NAT9: variants seen among roughly 807,000 people sequenced by gnomAD.
NAT9 encodes alpha/beta-tubulin-N-acetyltransferase 9.
A neutral mutation model predicts 24.0 loss-of-function variants in NAT9; 18 were observed. The ratio of observed to expected loss-of-function variants is 0.75; its 90% CI spans 0.52 to 1.11. The LOEUF (loss-of-function observed/expected upper bound fraction) is 1.11. Among genes scored for constraint, NAT9 ranks in the 50% most tolerant of loss-of-function variants. The pLI, the probability that NAT9 is intolerant of heterozygous loss-of-function variation, is 0.00. For missense variants in NAT9, 254 were observed against 258.6 expected (o/e 0.98, Z 0.12); for synonymous variants, 104 against 102.3 (o/e 1.02, Z -0.10).
At chr17:74,773,150 CAGG>C in intron 3 of NAT9, 111 bp from the exon 4 acceptor site, 3 of 1,334,502 alleles carry the variant, frequency 2.2e-6, no homozygotes, top group African/African-American at 1.5e-5. Context: ...CTGAGTCTGC[CAGG>C]AGAAGAGGGG....
Position 74,772,507 on chromosome 17 carries a change from A to G in NAT9, c.335-230T>C, listed in dbSNP as rs569083336. The G allele has an allele frequency of 1.3e-3, 1,876 of 1,422,122 alleles. 2 individuals are homozygous for G. Among genetic ancestry groups the G allele is most frequent in the Non-Finnish European group, 1.6e-3 (1,769 of 1,092,918 alleles). 88.1% of individuals were successfully genotyped at this position (1,422,122 alleles called of 1,614,324 possible). A position where few individuals can be genotyped will look rare whatever the true frequency, so the allele number is the denominator to read the frequency against. ...CCTCATGGAGTCAGTATGCTGCCTC[A>G]TGGGGATAGTCAGTAGCCACTTGGG... On this transcript the variant is annotated intron_variant, in intron 4 of 6. Transcript: ENST00000357814.
At chr17:74,772,558 GA>G (rs71361635) in intron 4 of NAT9, 1 of 1,405,924 alleles carries the variant, frequency 7.1e-7, no homozygotes, top group African/African-American at 1.4e-5. Context: ...TGAAGGAGCA[GA>G]AACAGGAGGG....
Position 74,772,958 on chromosome 17 carries a change from A to G in NAT9, c.272T>C (p.Val91Ala). 2.5e-6 allele frequency: 4 copies of G among 1,614,152 alleles called. No individual in the cohort carries two copies. The highest frequency in any genetic ancestry group is 3.4e-6 in the Non-Finnish European group (4 of 1,180,030). Residue 91 changes from valine to alanine, a missense_variant, in exon 4 of 7, where the codon GTG becomes GCG. By Grantham distance (64) the Val-to-Ala change is moderately conservative. Transcript: ENST00000357814. ...TTCTAGATCTGTGAGGAAGAGGTTC[A>G]CATCTCCCACCATGCAGCTCTCTTC... The part of the protein sequence containing the change: ...ATEESCMVGD[V>A]NLFLTDLEDL...
Position 74,773,048 on chromosome 17 carries a change from G to A in NAT9, c.191-9C>T, listed in dbSNP as rs992010770. On this transcript the variant is annotated splice_polypyrimidine_tract_variant and intron_variant, in intron 3 of 6. Transcript: ENST00000357814. ...CACAATGAAGGTACACTCTGAGGAG[G>A]AGGTGACAGGGCTATCACACACACT... 1 of 1,613,282 alleles carries A rather than the reference G, an allele frequency of 6.2e-7. No individual in the cohort carries two copies. Among genetic ancestry groups the A allele is most frequent in the Non-Finnish European group, 8.5e-7 (1 of 1,179,784 alleles).
rs750144270 is a variant in NAT9, at chr17:74,771,745, A to T, written c.603T>A (p.Asp201Glu). The change falls in exon 7 of 7, where the codon GAT becomes GAA. Residue 201 changes from aspartate to glutamate, a missense_variant. Coordinates refer to ENST00000357814, the MANE Select transcript of NAT9 (RefSeq NM_015654.5). ...GCCATCAGCAGGGCTCTGCCGACCC[A>T]TCTCTGTAAGGCTTCTCTTCCACGT... ...TSHVEEKPYR[D>E]GSAEPC 1 of 1,613,892 alleles carries T rather than the reference A, an allele frequency of 6.2e-7. No homozygotes were observed. Among genetic ancestry groups the T allele is most frequent in the Non-Finnish European group, 8.5e-7 (1 of 1,180,032 alleles).
chr17:74,773,108 C>G (rs2035469458), intron 3 of NAT9, 69 bp from the exon 4 acceptor site: 2 of 1,558,928 alleles, frequency 1.3e-6, no homozygotes, highest in African/African-American at 2.7e-5. Context: ...GTACTCCTAC[C>G]CAAGCCAGAG....
chr17:74,775,773 T>C, intron 1 of NAT9, 66 bp from the exon 2 acceptor site: 1 of 1,334,034 alleles, frequency 7.5e-7, no homozygotes. Context: ...GGGTAGGCGC[T>C]CCAGCTTTCC....
intron 3 of NAT9, 137 bp from the exon 4 acceptor site, chr17:74,773,176 C>T: frequency 9.0e-7 from 1 of 1,113,070 alleles, no homozygotes. Context: ...CCCAGAGCTT[C>T]CTTCAGCTCA....
intron 4 of NAT9, chr17:74,772,602 G>C: frequency 7.2e-7 from 1 of 1,395,550 alleles, no homozygotes; most frequent in South Asian, 1.6e-5. Flanking sequence ...ATGCTCCAGA[G>C]ACCTTTTTCT....
At position 74,771,987 on chromosome 17, in the gene NAT9, C is replaced by A. The variant is rs760662334; in HGVS notation, c.462G>T (p.Arg154=). Residue 154 remains arginine, a synonymous_variant, in exon 6 of 7, where the codon CGG becomes CGT. Transcript: ENST00000357814. ...GCTCAAAGTGAAGTTTCTGGAACAT[C>A]CGGATGCTTGGTTCATTTCCTTGCC... The part of the protein sequence containing the change: ...KIGQGNEPSI[R]MFQKLHFEQV... 1 of 1,614,246 alleles carries A rather than the reference C, an allele frequency of 6.2e-7. No individual in the cohort carries two copies. Among genetic ancestry groups the A allele is most frequent in the South Asian group, 1.1e-5 (1 of 91,090 alleles).
At position 74,771,346 on chromosome 17, in the gene NAT9, C is replaced by A; in HGVS notation, c.*378G>T. On this transcript the variant is annotated 3_prime_UTR_variant, in exon 7 of 7. Transcript: ENST00000357814. Reference sequence around the variant, plus strand: ...GCTGGTAGTGCCTGGAGCTTCACTCCCAGCCAGGGCAGCACCTCTGGCCTC... The same window carrying A: ...GCTGGTAGTGCCTGGAGCTTCACTCACAGCCAGGGCAGCACCTCTGGCCTC... 3.9e-6 allele frequency: 1 copy of A among 258,998 alleles called. No homozygotes were observed. The highest frequency in any genetic ancestry group is 7.6e-6 in the Non-Finnish European group (1 of 131,282). The allele number at this position is 258,998 out of a possible 1,614,324, so 16.0% of individuals were successfully genotyped here.
In NAT9 at chr17:74,772,060, A is replaced by G. The variant is rs894359948; in HGVS notation, c.395-6T>C. ...CAGACCTAGCGTGGTCACTCCTCGCAGAGGAGATGAGACAGGGGCAAGTAA... is the reference window on the plus strand; with the variant it reads ...CAGACCTAGCGTGGTCACTCCTCGCGGAGGAGATGAGACAGGGGCAAGTAA... On this transcript the variant is annotated splice_region_variant and splice_polypyrimidine_tract_variant and intron_variant, in intron 5 of 6. Transcript: ENST00000357814. The G allele has an allele frequency of 1.2e-6, 2 of 1,614,200 alleles. No homozygotes were observed. The highest frequency in any genetic ancestry group is 1.7e-6 in the Non-Finnish European group (2 of 1,180,040).
At position 74,775,538 on chromosome 17, in the gene NAT9, T is replaced by C. The variant is rs2035924977; in HGVS notation, c.77+84A>G. On this transcript the variant is annotated intron_variant, in intron 2 of 6. Coordinates refer to ENST00000357814, the MANE Select transcript of NAT9 (RefSeq NM_015654.5). Reference sequence around the variant, plus strand: ...ATTTCTCACAACCAATGTTTCTTCTTAGGGGAAATAGCCCTGAGACTGGGG... The same window carrying C: ...ATTTCTCACAACCAATGTTTCTTCTCAGGGGAAATAGCCCTGAGACTGGGG... The C allele has an allele frequency of 3.5e-6, 4 of 1,149,272 alleles. No individual in the cohort carries two copies. The Admixed American group carries it at 6.7e-5, about 19-fold the overall frequency. The allele number at this position is 1,149,272 out of a possible 1,614,324, so 71.2% of individuals were successfully genotyped here.
chr17:74,773,668 T>C lies in NAT9; in HGVS notation c.98A>G (p.Lys33Arg). Reference sequence around the variant, plus strand: ...TGTCAAACGCTGCAGCTCCTCTGATTTCATCCACTCGTGGTACCTGCTGGG... The same window carrying C: ...TGTCAAACGCTGCAGCTCCTCTGATCTCATCCACTCGTGGTACCTGCTGGG... ...HVPSRYHEWMKSEELQRLTAS... is the reference protein window; with the variant it reads ...HVPSRYHEWMRSEELQRLTAS... Residue 33 changes from lysine (K) to arginine (R), a missense_variant, in exon 3 of 7, where the codon AAA becomes AGA. Transcript: ENST00000357814. The C allele has an allele frequency of 6.2e-7, 1 of 1,614,062 alleles. No individual in the cohort carries two copies. The highest frequency in any genetic ancestry group is 8.5e-7 in the Non-Finnish European group (1 of 1,179,972).
chr17:74,775,357 T>G, intron 2 of NAT9: 1 of 331,100 alleles, frequency 3.0e-6, no homozygotes, highest in Non-Finnish European at 5.6e-6. Flanking sequence ...CTGGCTAATT[T>G]TTGTATTTTT....
rs754981576 is a variant in NAT9, at chr17:74,771,768, C to G, written c.580G>C (p.Val194Leu). ...CCATCTCTGTAAGGCTTCTCTTCCA[C>G]GTGGCTGGTCTGCTCCAGAAGCCAC... is the stretch of plus-strand genomic sequence containing the variant. ...HQWLLEQTSH[V>L]EEKPYRDGSA... Residue 194 changes from valine to leucine, a missense_variant, in exon 7 of 7, where the codon GTG (valine) becomes CTG (leucine). Transcript: ENST00000357814. The G allele has an allele frequency of 6.2e-7, 1 of 1,613,950 alleles. No homozygotes were observed. The highest frequency in any genetic ancestry group is 8.5e-7 in the Non-Finnish European group (1 of 1,180,040).
Position 74,771,719 on chromosome 17 carries a change from AGC to A in NAT9, c.*3_*4del. The A allele has an allele frequency of 6.2e-7, 1 of 1,613,452 alleles. No individual in the cohort carries two copies. Among genetic ancestry groups the A allele is most frequent in the Non-Finnish European group, 8.5e-7 (1 of 1,180,028 alleles). ...CACAGAGTGGCTGCCCACAAGGCCC[AGC>A]CATCAGCAGGGCTCTGCCGACCCAT... is the stretch of plus-strand genomic sequence containing the variant. On this transcript the variant is annotated 3_prime_UTR_variant, in exon 7 of 7. Coordinates refer to ENST00000357814, the MANE Select transcript of NAT9 (RefSeq NM_015654.5).
Position 74,772,291 on chromosome 17 carries a change from C to T in NAT9, c.335-14G>A. ...TGCAGCTGGGCTCTAGGAGAGACAA[C>T]AGGAGCGGCGCTGACGCCGTGTGCC... is the stretch of plus-strand genomic sequence containing the variant. On this transcript the variant is annotated splice_polypyrimidine_tract_variant and intron_variant, in intron 4 of 6. Coordinates refer to ENST00000357814, the MANE Select transcript of NAT9 (RefSeq NM_015654.5). 1 of 1,613,686 alleles carries T rather than the reference C, an allele frequency of 6.2e-7. No homozygotes were observed. Among genetic ancestry groups the T allele is most frequent in the Non-Finnish European group, 8.5e-7 (1 of 1,179,994 alleles).
rs1567837490 is a variant in NAT9, at chr17:74,772,291, C to G, written c.335-14G>C. The G allele has an allele frequency of 6.2e-7, 1 of 1,613,686 alleles. No homozygotes were observed. Among genetic ancestry groups the G allele is most frequent in the Admixed American group, 1.7e-5 (1 of 60,030 alleles). ...TGCAGCTGGGCTCTAGGAGAGACAA[C>G]AGGAGCGGCGCTGACGCCGTGTGCC... On this transcript the variant is annotated splice_polypyrimidine_tract_variant and intron_variant, in intron 4 of 6. Coordinates refer to ENST00000357814, the MANE Select transcript of NAT9 (RefSeq NM_015654.5).
Sources: gnomAD v4.1 joint callset for allele counts on GRCh38, gnomAD v4.1.1 for gene constraint, MANE v1.5 for transcripts, NCBI Gene and HGNC (gene_info 2026-07-23, HGNC 2026-07-21) for gene names.